F5: variants seen among roughly 807,000 people sequenced by gnomAD.
The protein encoded by F5 is coagulation factor V.
Under a neutral mutation model 216.4 loss-of-function variants are expected in F5, and 138 were observed. The ratio of observed to expected loss-of-function variants is 0.64; its 90% confidence interval spans 0.56 to 0.73. The LOEUF (loss-of-function observed/expected upper bound fraction) is 0.73. F5 is among the 30% of genes least tolerant of loss of function. The pLI is 0.00. For missense variants in F5, 2,403 were observed against 2,674.0 expected (o/e 0.90, Z 2.24); for synonymous variants, 916 against 930.7 (o/e 0.98, Z 0.29).
chr1:169,540,964 A>G lies in F5; in HGVS notation c.4126T>C (p.Ser1376Pro), dbSNP rs199739353. 6.3e-6 allele frequency: 10 copies of G among 1,595,708 alleles called. No homozygotes were observed. In the Admixed American group the frequency reaches 8.5e-5, roughly 14 times the overall value. ...LSLDLSQTNL[S>P]PELSQTNLSP... is the part of the protein sequence containing the mutation. ...AGGTTTGTCTGACTGAGTTCTGGAG[A>G]GAGGTTTGTCTGGCTGAGGTCTAGA... Residue 1376 changes from serine (S) to proline (P), a missense_variant, in exon 13 of 25, where the codon TCT (serine) becomes CCT (proline). Physicochemically the swap from Ser to Pro is moderately conservative, Grantham distance 74. Coordinates refer to ENST00000367797, the MANE Select transcript of F5 (RefSeq NM_000130.5).
intron 10 of F5, among the ~76,000 whole-genome samples, chr1:169,548,903 A>C (rs1404012712): frequency 6.6e-6 from 1 of 151,922 alleles, no homozygotes; most frequent in Non-Finnish European, 1.5e-5. Context: ...ATCCCAAAAG[A>C]AAAATCTCAT....
chr1:169,565,626 A>C (rs997855679), intron 3 of F5, among the ~76,000 whole-genome samples: 6 of 152,116 alleles, frequency 3.9e-5, no homozygotes, highest in Non-Finnish European at 7.4e-5. Flanking sequence ...CTCTTTAAAA[A>C]ACAAAAACCT....
rs911867554 is a variant in F5 at position 169,556,093 on chromosome 1, T to C, written c.952+553A>G. ...TTTACACGATACCACATAACGTGGG[T>C]TGATTTATTTTCCCACCTGAATTCC... On this transcript the variant is annotated intron_variant, in intron 6 of 24. Transcript: ENST00000367797. Among the ~76,000 whole-genome samples the C allele has an allele frequency of 4.6e-5, 7 of 152,250 alleles. No homozygotes were observed. In the East Asian group the frequency reaches 1.4e-3, roughly 29 times the overall value.
intron 21 of F5, among the ~76,000 whole-genome samples, chr1:169,522,268 C>T (rs1659327597): frequency 1.3e-5 from 2 of 152,124 alleles, no homozygotes; most frequent in South Asian, 2.1e-4. Flanking sequence ...AGAATTATTA[C>T]CAATTGCAGA....
rs1009122769 is a variant in F5, at chr1:169,525,064, G to T, written c.5717-156C>A. On this transcript the variant is annotated intron_variant, in intron 18 of 24. Coordinates refer to ENST00000367797, the MANE Select transcript of F5 (RefSeq NM_000130.5). ...CTTAAATATATCTGATTATAAAATGGTAAATGCACTAACAAGACTGGTGCT... is the reference window on the plus strand; with the variant it reads ...CTTAAATATATCTGATTATAAAATGTTAAATGCACTAACAAGACTGGTGCT... Among the ~76,000 whole-genome samples the T allele has an allele frequency of 1.3e-5, 2 of 152,054 alleles. 1 individual carries two copies. The highest frequency in any genetic ancestry group is 4.2e-4 in the South Asian group (2 of 4,818).
chr1:169,579,684 T>A (rs1660946809), intron 2 of F5, among the ~76,000 whole-genome samples: 1 of 152,222 alleles, frequency 6.6e-6, no homozygotes, highest in African/African-American at 2.4e-5. Flanking sequence ...TTCCCTTTTC[T>A]TCCTCATTAT....
At position 169,512,779 on chromosome 1, in the gene F5, C is replaced by T. The variant is rs1659059958; in HGVS notation, c.*1534G>A. Among the ~76,000 whole-genome samples, 1 of 152,098 alleles carries T rather than the reference C, an allele frequency of 6.6e-6. No individual in the cohort carries two copies. The highest frequency in any genetic ancestry group is 1.5e-5 in the Non-Finnish European group (1 of 67,986). On this transcript the variant is annotated 3_prime_UTR_variant, in exon 25 of 25. Transcript: ENST00000367797. ...ATATACATTCATAGGGCTTACCCCA[C>T]TGGTATGGGCAACAGGTAACTCTGG...
intron 13 of F5, 121 bp from the exon 14 acceptor site, chr1:169,536,801 G>A: frequency 1.4e-6 from 1 of 710,592 alleles, no homozygotes; most frequent in Middle Eastern, 3.9e-4. Flanking sequence ...AATACTTGGT[G>A]GATAAATGAG....
chr1:169,582,316 A>AAG (rs1312684373), intron 2 of F5, 115 bp downstream of exon 2: 30 of 600,412 alleles, frequency 5.0e-5, no homozygotes, highest in African/African-American at 3.7e-5. Flanking sequence ...CTTCTTAAAA[A>AAG]AAAAACCACA....
intron 12 of F5, among the ~76,000 whole-genome samples, chr1:169,543,504 G>A (rs1400998312): frequency 6.6e-6 from 1 of 152,094 alleles, no homozygotes; most frequent in Admixed American, 6.6e-5. Context: ...GATGAATCAA[G>A]AATAAAATGG....
intron 1 of F5, among the ~76,000 whole-genome samples, chr1:169,584,589 T>C (rs1204202240): frequency 6.6e-6 from 1 of 152,254 alleles, no homozygotes; most frequent in Non-Finnish European, 1.5e-5. Context: ...AGATGTCTGC[T>C]TTGTGCTAAA....
chr1:169,582,759 C>G lies in F5; in HGVS notation c.159-237G>C, dbSNP rs191407119. On this transcript the variant is annotated intron_variant, in intron 1 of 24. Coordinates refer to ENST00000367797, the MANE Select transcript of F5 (RefSeq NM_000130.5). The stretch of plus-strand genomic sequence containing the variant: ...CTATTTGTTCACAAGTTAATCTACC[C>G]TAATATCATTCCTCAGAATCAATTT... Among the ~76,000 whole-genome samples the G allele has an allele frequency of 3.5e-4, 53 of 152,230 alleles. 1 individual carries two copies. Among genetic ancestry groups the G allele is most frequent in the Non-Finnish European group, 6.8e-4 (46 of 68,016 alleles).
At chr1:169,552,222 A>C (rs895744498) in intron 8 of F5, among the ~76,000 whole-genome samples, 1 of 152,120 alleles carries the variant, frequency 6.6e-6, no homozygotes, top group African/African-American at 2.4e-5. Context: ...CCTTTTTTAC[A>C]CTGACTGCCA....
At chr1:169,525,726 G>C (rs1659430077) in intron 18 of F5, among the ~76,000 whole-genome samples, 175 bp downstream of exon 18, 1 of 152,200 alleles carries the variant, frequency 6.6e-6, no homozygotes, top group Admixed American at 6.5e-5. Context: ...TGATCTGACT[G>C]ATGTGTTTTC....
intron 5 of F5, among the ~76,000 whole-genome samples, chr1:169,557,484 A>G (rs1318515679): frequency 6.6e-6 from 1 of 152,172 alleles, no homozygotes; most frequent in Non-Finnish European, 1.5e-5. Context: ...CTTTGGGGTT[A>G]CACACTCTCC....
rs41272457 is a variant in F5 at position 169,542,165 on chromosome 1, G to A, written c.2925C>T (p.Pro975=). The A allele has an allele frequency of 0.019, 30,870 of 1,614,024 alleles. 354 individuals carry two copies. Among genetic ancestry groups the A allele is most frequent in the Non-Finnish European group, 0.023 (26,727 of 1,179,978 alleles). The change falls in exon 13 of 25, where the codon CCC becomes CCT. Residue 975 remains proline, a synonymous_variant. Transcript: ENST00000367797. ...CTCCCCAAGCACGTGAGGCATTCTG[G>A]GGGCTGATCAGCCAATTGTTAACAG... ...DTAVNNWLIS[P]QNASRAWGES...
chr1:169,554,148 G>A (rs199657749), intron 7 of F5, among the ~76,000 whole-genome samples: 10,566 of 90,330 alleles, frequency 0.12, 923 homozygotes, highest in African/African-American at 0.29. Flanking sequence ...TTTCTCTGAT[G>A]ACTCTCAAAA....
chr1:169,530,875 T>A lies in F5; in HGVS notation c.5119A>T (p.Thr1707Ser), dbSNP rs768940817. The A allele has an allele frequency of 1.2e-6, 2 of 1,613,978 alleles. No individual in the cohort carries two copies. Among genetic ancestry groups the A allele is most frequent in the Non-Finnish European group, 1.7e-6 (2 of 1,179,876 alleles). ...CGCTCAGTGGCATGCCATACGTAGG[T>A]ATAACTGCTATTTGGCTGAACAGCA... ...DNAVQPNSSY[T>S]YVWHATERSG... Residue 1707 changes from threonine (T) to serine (S), a missense_variant, in exon 15 of 25, where the codon ACC (threonine) becomes TCC (serine). By Grantham distance (58) the Thr-to-Ser change is moderately conservative (BLOSUM62 1). Around this residue, in one of 4 missense-constraint regions of F5, gnomAD observed 659 missense variants for 787.9 expected, o/e 0.84. Transcript: ENST00000367797.
At position 169,514,212 on chromosome 1, in the gene F5, T is replaced by C. The variant is rs1659102213; in HGVS notation, c.*101A>G. On this transcript the variant is annotated 3_prime_UTR_variant, in exon 25 of 25. Coordinates refer to ENST00000367797, the MANE Select transcript of F5 (RefSeq NM_000130.5). ...ACTAATAGAAAAGAAAGAGAAATAG[T>C]GGAAAACTGTTAACATTTAACACAG... 2.4e-6 allele frequency: 3 copies of C among 1,239,796 alleles called. No individual in the cohort carries two copies. Among genetic ancestry groups the C allele is most frequent in the Non-Finnish European group, 3.5e-6 (3 of 853,796 alleles). The allele number at this position is 1,239,796 out of a possible 1,614,324, so 76.8% of individuals were successfully genotyped here.
Sources: allele counts gnomAD v4.1 joint callset (sites outside exome capture counted in the v4.1 genomes callset), GRCh38; gene constraint gnomAD v4.1.1; regional missense constraint gnomAD v4.1.1; transcripts MANE v1.5; gene names NCBI Gene and HGNC (gene_info 2026-07-23, HGNC 2026-07-21).